Variants in GALNT13 observed in about 807,000 individuals in gnomAD.
The protein encoded by GALNT13 is polypeptide N-acetylgalactosaminyltransferase 13.
In GALNT13, 28 loss-of-function variants were observed where a neutral mutation model predicts 64.2. The observed-to-expected ratio is 0.44, with a 90% CI of 0.32 to 0.60. The LOEUF is 0.60. Ranked by LOEUF, GALNT13 falls within the 20% of genes least tolerant of loss-of-function variation. The probability of loss-of-function intolerance (pLI) is 0.05; values close to 1 mark genes in which losing one functional copy is unlikely to be tolerated. For synonymous variants in GALNT13, 214 were observed against 224.6 expected, an observed-to-expected ratio of 0.95 and a Z score of 0.42; for missense variants, 577 against 669.8, an observed-to-expected ratio of 0.86 and a Z score of 1.53.
chr2:153,430,251 A>T, the GALNT13 span, among the ~76,000 whole-genome samples: 1 of 152,116 alleles, frequency 6.6e-6, no homozygotes, highest in African/African-American at 2.4e-5. Flanking sequence ...AATTTTCAAA[A>T]TAAATAGCCA....
intron 4 of GALNT13, among the ~76,000 whole-genome samples, chr2:154,175,860 A>G (rs1022111127): frequency 4.6e-5 from 7 of 152,210 alleles, no homozygotes; most frequent in African/African-American, 1.2e-4. Context: ...TATGATTTAT[A>G]TTATGGATAA....
the GALNT13 span, among the ~76,000 whole-genome samples, chr2:153,149,564 CA>C: frequency 6.6e-6 from 1 of 151,794 alleles, no homozygotes; most frequent in Non-Finnish European, 1.5e-5. Context: ...GTCAATGTTT[CA>C]AGATAGAAGA....
chr2:153,993,366 A>G (rs1695291548), intron 3 of GALNT13, among the ~76,000 whole-genome samples: 1 of 152,108 alleles, frequency 6.6e-6, no homozygotes, highest in Non-Finnish European at 1.5e-5. Flanking sequence ...TTAAAAAATG[A>G]TTTCTTCCAA....
intron 1 of GALNT13, among the ~76,000 whole-genome samples, chr2:153,877,309 C>T (rs555918871): frequency 1.3e-5 from 2 of 152,208 alleles, no homozygotes; most frequent in African/African-American, 4.8e-5. Flanking sequence ...TATTCCACTA[C>T]ATTGAATTGT....
Position 153,873,525 on chromosome 2 carries a change from A to C in GALNT13, c.-177+1222A>C, listed in dbSNP as rs2105215465. ...ACATAGATGCTTTGGGGTTCAGGGA[A>C]ACTAACCTCGAAAGGGTGGGAGCTT... is the stretch of plus-strand genomic sequence containing the variant. On this transcript the variant is annotated intron_variant, in intron 1 of 12. Transcript: ENST00000392825. Among the ~76,000 whole-genome samples the C allele has an allele frequency of 1.3e-5, 2 of 152,284 alleles. 1 individual carries two copies. The highest frequency in any genetic ancestry group is 3.9e-4 in the East Asian group (2 of 5,162).
the GALNT13 span, among the ~76,000 whole-genome samples, chr2:153,156,424 G>A: frequency 4.6e-5 from 7 of 152,020 alleles, no homozygotes; most frequent in South Asian, 1.5e-3. Context: ...CTCTGACAAT[G>A]GTAATCTTTG....
the GALNT13 span, among the ~76,000 whole-genome samples, chr2:153,485,231 T>A: frequency 6.6e-6 from 1 of 152,222 alleles, no homozygotes; most frequent in African/African-American, 2.4e-5. Flanking sequence ...ATTAACCTTT[T>A]CGTAAGACAT....
At chr2:153,908,400 T>A (rs940993188) in intron 2 of GALNT13, among the ~76,000 whole-genome samples, 30 of 152,196 alleles carry the variant, frequency 2.0e-4, no homozygotes, top group African/African-American at 7.2e-4. Flanking sequence ...TTGAGTTAGA[T>A]CCCATTTGTC....
chr2:153,936,240 CATT>C (rs1690904237), intron 2 of GALNT13, among the ~76,000 whole-genome samples: 1 of 152,192 alleles, frequency 6.6e-6, no homozygotes, highest in Admixed American at 6.5e-5. Flanking sequence ...ATAACACTCA[CATT>C]GTATTAGGTG....
chr2:153,336,524 C>T, the GALNT13 span, among the ~76,000 whole-genome samples: 3 of 152,114 alleles, frequency 2.0e-5, no homozygotes, highest in Admixed American at 2.0e-4. Flanking sequence ...GGCCCTGTAA[C>T]CCCTTTGTTT....
the GALNT13 span, among the ~76,000 whole-genome samples, chr2:153,520,157 A>G: frequency 6.6e-6 from 1 of 152,186 alleles, no homozygotes; most frequent in African/African-American, 2.4e-5. Flanking sequence ...ATTTAACAAC[A>G]TATTTGAGTT....
At chr2:153,423,815 CT>C in the GALNT13 span, among the ~76,000 whole-genome samples, 1 of 151,434 alleles carries the variant, frequency 6.6e-6, no homozygotes, top group Non-Finnish European at 1.5e-5. Context: ...ATAAGACTTA[CT>C]ATAACAAATA....
intron 9 of GALNT13, among the ~76,000 whole-genome samples, chr2:154,345,938 A>C (rs2105238637): frequency 6.6e-6 from 1 of 152,184 alleles, no homozygotes; most frequent in Middle Eastern, 3.4e-3. Context: ...ACTGCATCCA[A>C]ATTATACTAA....
At chr2:154,250,420 T>G (rs1239466270) in intron 7 of GALNT13, among the ~76,000 whole-genome samples, 2 of 152,114 alleles carry the variant, frequency 1.3e-5, no homozygotes, top group East Asian at 3.9e-4. Context: ...TCTCAATTAC[T>G]TACGATGTTT....
At chr2:154,043,815 AGGCTTGGCCAGGTGCAGT>A (rs1225532451) in intron 3 of GALNT13, among the ~76,000 whole-genome samples, 5 of 152,242 alleles carry the variant, frequency 3.3e-5, no homozygotes, top group Admixed American at 3.3e-4. Context: ...AGTAAGAGCT[AGGCTTGGCCAGGTGCAGT>A]GGCTTATGCC....
At chr2:153,993,470 C>A (rs368433266) in intron 3 of GALNT13, among the ~76,000 whole-genome samples, 29 of 151,908 alleles carry the variant, frequency 1.9e-4, no homozygotes, top group African/African-American at 6.5e-4. Flanking sequence ...CCGAGGCGGG[C>A]AGATCACGAG....
the GALNT13 span, among the ~76,000 whole-genome samples, chr2:153,282,698 G>C: frequency 2.6e-5 from 4 of 152,206 alleles, no homozygotes; most frequent in Non-Finnish European, 5.9e-5. Flanking sequence ...TTACAGGTAT[G>C]AGCCACTGCA....
At chr2:154,408,429 T>C (rs1490512079) in intron 10 of GALNT13, among the ~76,000 whole-genome samples, 2 of 152,048 alleles carry the variant, frequency 1.3e-5, no homozygotes, top group Non-Finnish European at 2.9e-5. Context: ...CCCAATAAGT[T>C]TGACATTAGG....
chr2:153,567,397 G>A, the GALNT13 span, among the ~76,000 whole-genome samples: 4 of 152,206 alleles, frequency 2.6e-5, no homozygotes, highest in South Asian at 2.1e-4. Flanking sequence ...GGTGAGGGGA[G>A]GTGGTTGGAA....
Sources: allele counts gnomAD v4.1 joint callset (sites outside exome capture counted in the v4.1 genomes callset), GRCh38; gene constraint gnomAD v4.1.1; transcripts MANE v1.5; gene names NCBI Gene and HGNC (gene_info 2026-07-23, HGNC 2026-07-21).